SCHIP1: variants seen among roughly 807,000 people sequenced by gnomAD.
SCHIP1 encodes schwannomin-interacting protein 1.
A neutral mutation model predicts 29.7 loss-of-function variants in SCHIP1; 8 were observed. The observed-to-expected ratio is 0.27, with a 90% CI of 0.16 to 0.49. The LOEUF (loss-of-function observed/expected upper bound fraction) is 0.49. Ranked by LOEUF, SCHIP1 falls within the 20% of genes least tolerant of loss-of-function variation. The probability of loss-of-function intolerance (pLI) is 0.99; values close to 1 mark genes in which losing one functional copy is unlikely to be tolerated. For missense variants in SCHIP1, 193 were observed against 294.6 expected (o/e 0.66, Z 2.52); for synonymous variants, 76 against 94.9 (o/e 0.80, Z 1.16).
the SCHIP1 span, among the ~76,000 whole-genome samples, chr3:159,300,680 G>T: frequency 0.021 from 3,140 of 152,302 alleles, 100 homozygotes; most frequent in African/African-American, 0.071. Context: ...GCCTTGCAAA[G>T]TCCTGCTTAT....
the SCHIP1 span, among the ~76,000 whole-genome samples, chr3:159,472,928 C>A: frequency 6.6e-6 from 1 of 152,174 alleles, no homozygotes; most frequent in African/African-American, 2.4e-5. Context: ...AATGTTTGTT[C>A]TCTAATTCAC....
chr3:159,565,925 G>T, the SCHIP1 span, among the ~76,000 whole-genome samples: 1 of 152,016 alleles, frequency 6.6e-6, no homozygotes, highest in Non-Finnish European at 1.5e-5. Flanking sequence ...ATTCACAGTA[G>T]GATAATCACT....
the SCHIP1 span, among the ~76,000 whole-genome samples, chr3:159,571,214 C>T: frequency 1.1e-4 from 16 of 152,176 alleles, no homozygotes; most frequent in African/African-American, 1.7e-4. Context: ...TGTCTTGTTC[C>T]GGTTTTCAAG....
the SCHIP1 span, among the ~76,000 whole-genome samples, chr3:159,505,966 A>G: frequency 1.3e-5 from 2 of 152,314 alleles, no homozygotes; most frequent in East Asian, 1.9e-4. Flanking sequence ...ATGATTTATA[A>G]TCCTTTGGGT....
the SCHIP1 span, among the ~76,000 whole-genome samples, chr3:159,628,836 C>T: frequency 6.6e-6 from 1 of 151,918 alleles, no homozygotes; most frequent in Non-Finnish European, 1.5e-5. Flanking sequence ...CAAAGCAGCA[C>T]CTGATTATGT....
chr3:159,393,063 G>C, the SCHIP1 span, among the ~76,000 whole-genome samples: 1 of 152,236 alleles, frequency 6.6e-6, no homozygotes, highest in Non-Finnish European at 1.5e-5. Flanking sequence ...CTGATGGCCA[G>C]TGATGATGAG....
the SCHIP1 span, among the ~76,000 whole-genome samples, chr3:159,710,987 T>C: frequency 6.6e-6 from 1 of 152,076 alleles, no homozygotes; most frequent in South Asian, 2.1e-4. Flanking sequence ...AAGATAAAAC[T>C]TGACTTGAAA....
chr3:159,276,759 T>C, the SCHIP1 span, among the ~76,000 whole-genome samples: 5 of 152,158 alleles, frequency 3.3e-5, no homozygotes, highest in East Asian at 5.8e-4. Context: ...CAAATAGAAA[T>C]GTCTGGATAT....
chr3:159,378,747 C>T, the SCHIP1 span, among the ~76,000 whole-genome samples: 5 of 152,158 alleles, frequency 3.3e-5, no homozygotes, highest in African/African-American at 7.2e-5. Context: ...GTTATTATCA[C>T]GCAGACACAG....
chr3:159,562,045 T>G, the SCHIP1 span, among the ~76,000 whole-genome samples: 1 of 152,210 alleles, frequency 6.6e-6, no homozygotes, highest in Admixed American at 6.5e-5. Flanking sequence ...GTGCTTTCCT[T>G]GCATTTCCTG....
chr3:159,340,065 A>G, the SCHIP1 span, among the ~76,000 whole-genome samples: 5 of 152,278 alleles, frequency 3.3e-5, no homozygotes, highest in African/African-American at 1.2e-4. Flanking sequence ...AGAGGACCTA[A>G]TCAACTCTCA....
At chr3:159,682,737 C>T in the SCHIP1 span, among the ~76,000 whole-genome samples, 4 of 152,002 alleles carry the variant, frequency 2.6e-5, no homozygotes, top group Non-Finnish European at 4.4e-5. Flanking sequence ...TTATTTCTAC[C>T]GACACCTAGA....
the SCHIP1 span, among the ~76,000 whole-genome samples, chr3:159,706,634 G>GCA: frequency 2.6e-5 from 4 of 152,100 alleles, no homozygotes; most frequent in Non-Finnish European, 4.4e-5. Flanking sequence ...AAAGCAATGG[G>GCA]CACACACAGT....
chr3:159,808,394 C>G, the SCHIP1 span: 1 of 152,206 alleles, frequency 6.6e-6, no homozygotes, highest in Non-Finnish European at 1.5e-5. Flanking sequence ...GACTCCCTTG[C>G]AGTTACAAAT....
chr3:159,582,845 C>T, the SCHIP1 span, among the ~76,000 whole-genome samples: 1 of 150,310 alleles, frequency 6.7e-6, no homozygotes, highest in South Asian at 2.1e-4. Flanking sequence ...TTATTCTTAA[C>T]TCATGGAAAT....
the SCHIP1 span, among the ~76,000 whole-genome samples, chr3:159,297,368 C>T: frequency 2.0e-5 from 3 of 152,052 alleles, no homozygotes; most frequent in Non-Finnish European, 2.9e-5. Context: ...TTTCGAGGAA[C>T]CTCCATACTG....
At chr3:159,642,318 A>C in the SCHIP1 span, among the ~76,000 whole-genome samples, 2 of 152,044 alleles carry the variant, frequency 1.3e-5, no homozygotes, top group Admixed American at 1.3e-4. Context: ...CCTATTATCC[A>C]GTCCAAATCC....
At chr3:159,632,283 C>A in the SCHIP1 span, among the ~76,000 whole-genome samples, 7 of 152,178 alleles carry the variant, frequency 4.6e-5, no homozygotes, top group Non-Finnish European at 1.5e-5. Flanking sequence ...TAGGCCAAGA[C>A]GTCTACAGGC....
At chr3:159,428,712 C>T in the SCHIP1 span, among the ~76,000 whole-genome samples, 1 of 151,550 alleles carries the variant, frequency 6.6e-6, no homozygotes, top group African/African-American at 2.4e-5. Flanking sequence ...ACCCAAAGGA[C>T]TATAAATCAT....
Sources: gnomAD v4.1 joint callset for allele counts (sites outside exome capture counted in the v4.1 genomes callset) on GRCh38, gnomAD v4.1.1 for gene constraint, MANE v1.5 for transcripts, NCBI Gene and HGNC (gene_info 2026-07-23, HGNC 2026-07-21) for gene names.